PALM2AKAP2: variants seen among roughly 807,000 people sequenced by gnomAD.
PALM2AKAP2 encodes the protein PALM2-AKAP2 fusion protein.
PALM2AKAP2 carries 37 observed loss-of-function variants against 71.5 expected under a neutral mutation model. That is an observed-to-expected ratio of 0.52 (90% confidence interval 0.40 to 0.68). The LOEUF (loss-of-function observed/expected upper bound fraction) is 0.68. Among genes scored for constraint, PALM2AKAP2 ranks in the 30% least tolerant of loss-of-function variants. The pLI, the probability that PALM2AKAP2 is intolerant of heterozygous loss-of-function variation, is 0.00. For missense variants in PALM2AKAP2, 1,224 were observed against 1,191.8 expected (o/e 1.03, Z -0.40); for synonymous variants, 468 against 478.8 (o/e 0.98, Z 0.29).
At chr9:109,687,741 A>G (rs890840315) in intron 1 of PALM2AKAP2, among the ~76,000 whole-genome samples, 3 of 152,170 alleles carry the variant, frequency 2.0e-5, no homozygotes, top group African/African-American at 4.8e-5. Context: ...TGCATTCACA[A>G]CTTGGCTAAC....
At chr9:110,091,941 G>A (rs1177789714) in intron 1 of PALM2AKAP2, among the ~76,000 whole-genome samples, 2 of 152,124 alleles carry the variant, frequency 1.3e-5, no homozygotes, top group East Asian at 1.9e-4. Context: ...TGAGTATCAA[G>A]TTTACTACCA....
At chr9:109,922,207 C>A (rs1334045803) in intron 3 of PALM2AKAP2, among the ~76,000 whole-genome samples, 1 of 151,556 alleles carries the variant, frequency 6.6e-6, no homozygotes, top group Non-Finnish European at 1.5e-5. Flanking sequence ...ATTGCTTAAG[C>A]CCAGGAGTTC....
chr9:109,982,902 G>A (rs1832302513), intron 6 of PALM2AKAP2, among the ~76,000 whole-genome samples: 1 of 152,166 alleles, frequency 6.6e-6, no homozygotes, highest in Admixed American at 6.5e-5. Flanking sequence ...AAAAATATAG[G>A]TGTGAGCCAC....
intron 6 of PALM2AKAP2, among the ~76,000 whole-genome samples, chr9:109,932,599 T>A (rs1831130930): frequency 6.6e-6 from 1 of 152,204 alleles, no homozygotes; most frequent in Admixed American, 6.5e-5. Flanking sequence ...AATTGGAAAT[T>A]TTACAAATAA....
At chr9:109,736,763 T>C (rs1231596665) in intron 1 of PALM2AKAP2, among the ~76,000 whole-genome samples, 2 of 152,078 alleles carry the variant, frequency 1.3e-5, no homozygotes, top group African/African-American at 4.8e-5. Flanking sequence ...CCTTCCACTC[T>C]CCCGCCATCC....
rs372563174 is a variant in PALM2AKAP2 at position 109,758,749 on chromosome 9, C to G, written c.6-21739C>G. Among the ~76,000 whole-genome samples, 73 of 152,148 alleles carry G rather than the reference C, an allele frequency of 4.8e-4. 2 individuals are homozygous for G. In the South Asian group the frequency reaches 0.015, roughly 30 times the overall value. ...TTCTCCCAGCTTTAACATGTATTCT[C>G]ATTTAAAGATTTAGAAAGATAAAGT... On this transcript the variant is annotated intron_variant, in intron 1 of 6. Coordinates refer to the PALM2AKAP2 transcript ENST00000374531.
exon 2 of PALM2AKAP2, chr9:110,137,264 G>A: frequency 6.2e-7 from 1 of 1,614,210 alleles, no homozygotes; most frequent in Non-Finnish European, 8.5e-7. Flanking sequence ...GGTGGCCAAG[G>A]GCCAGAGTAC....
intron 1 of PALM2AKAP2, among the ~76,000 whole-genome samples, chr9:109,666,710 C>A (rs1410588062): frequency 6.6e-6 from 1 of 152,148 alleles, no homozygotes; most frequent in Admixed American, 6.5e-5. Context: ...CCCTTGTTAG[C>A]AGAAGCCTTG....
intron 6 of PALM2AKAP2, among the ~76,000 whole-genome samples, chr9:109,984,574 G>C (rs184648932): frequency 6.6e-6 from 1 of 152,100 alleles, no homozygotes; most frequent in Admixed American, 6.5e-5. Flanking sequence ...TAGAAACTTT[G>C]GGCCAGGTAT....
intron 3 of PALM2AKAP2, among the ~76,000 whole-genome samples, chr9:110,162,780 G>A (rs1836634378): frequency 6.6e-6 from 1 of 152,206 alleles, no homozygotes; most frequent in Admixed American, 6.5e-5. Context: ...ATAGCTCACT[G>A]TAGCCTTAAC....
At chr9:109,780,208 C>T, upstream of PALM2AKAP2, 1 of 955,594 alleles carries the variant, frequency 1.0e-6, no homozygotes. Flanking sequence ...GTCCCACGTC[C>T]TCGGCTGGCG....
intron 2 of PALM2AKAP2, among the ~76,000 whole-genome samples, chr9:109,876,935 C>T (rs1283729095): frequency 6.6e-6 from 1 of 152,172 alleles, no homozygotes; most frequent in East Asian, 1.9e-4. Context: ...CCAGAGCTAC[C>T]TGCTGATGGT....
At chr9:109,686,772 A>T (rs908584281) in intron 1 of PALM2AKAP2, among the ~76,000 whole-genome samples, 2 of 151,826 alleles carry the variant, frequency 1.3e-5, no homozygotes, top group African/African-American at 4.8e-5. Flanking sequence ...GGTGTGCTGC[A>T]CCCACTAACT....
At position 110,035,320 on chromosome 9, in the gene PALM2AKAP2, G is replaced by GTATTATATGTATAATACATATTATATA. The variant is rs777324889; in HGVS notation, c.582+19309_582+19335dup. The stretch of plus-strand genomic sequence containing the variant: ...TGTATAATACATATTACATACATAT[G>GTATTATATGTATAATACATATTATATA]TATTATATGTATAATACATATTATA... On this transcript the variant is annotated intron_variant, in intron 7 of 9. Coordinates refer to the PALM2AKAP2 transcript ENST00000302798. 4.8e-3 allele frequency among the ~76,000 whole-genome samples: 488 copies of GTATTATATGTATAATACATATTATATA among 100,948 alleles called. 9 individuals are homozygous for GTATTATATGTATAATACATATTATATA. Among genetic ancestry groups the GTATTATATGTATAATACATATTATATA allele is most frequent in the African/African-American group, 0.015 (301 of 20,210 alleles). 66.2% of individuals were successfully genotyped at this position (100,948 alleles called of 152,430 possible).
Position 109,785,595 on chromosome 9 carries a change from A to G in PALM2AKAP2, c.45+5062A>G, listed in dbSNP as rs140740440. On this transcript the variant is annotated intron_variant, in intron 1 of 9. Coordinates refer to the PALM2AKAP2 transcript ENST00000302798. ...AATCATGGCAGAAGGTGAAAGGCAC[A>G]TCTCACATGGCAACAGACTGGAAAT... Among the ~76,000 whole-genome samples the G allele has an allele frequency of 1.8e-3, 273 of 152,368 alleles. 1 individual carries two copies. Among genetic ancestry groups the G allele is most frequent in the African/African-American group, 6.1e-3 (252 of 41,584 alleles).
chr9:109,846,100 C>T (rs1318903559), intron 1 of PALM2AKAP2, among the ~76,000 whole-genome samples: 1 of 152,062 alleles, frequency 6.6e-6, no homozygotes, highest in Non-Finnish European at 1.5e-5. Context: ...GATGGCTTTT[C>T]AGTTGACATT....
intron 1 of PALM2AKAP2, among the ~76,000 whole-genome samples, chr9:109,690,963 CT>C (rs1205991474): frequency 6.6e-5 from 10 of 152,028 alleles, no homozygotes; most frequent in Admixed American, 6.6e-4. Context: ...AGAACAAAAG[CT>C]GTAAAAATGG....
chr9:110,172,125 T>G (rs185006979), exon 4 of PALM2AKAP2: 1 of 152,704 alleles, frequency 6.5e-6, no homozygotes, highest in East Asian at 1.9e-4. Context: ...GACAAATAAT[T>G]AAACCTTTTT....
At chr9:109,821,095 A>G (rs1055008304) in intron 1 of PALM2AKAP2, among the ~76,000 whole-genome samples, 7 of 152,176 alleles carry the variant, frequency 4.6e-5, no homozygotes, top group Admixed American at 2.0e-4. Context: ...TCCCCATACC[A>G]GGCATGGGTT....
Sources: allele counts gnomAD v4.1 joint callset (sites outside exome capture counted in the v4.1 genomes callset), GRCh38; gene constraint gnomAD v4.1.1; transcripts MANE v1.5; gene names NCBI Gene and HGNC (gene_info 2026-07-23, HGNC 2026-07-21).